Variants in CCDC6 observed in about 807,000 individuals in gnomAD.
CCDC6 encodes the protein coiled-coil domain-containing protein 6.
A neutral mutation model predicts 56.6 loss-of-function variants in CCDC6; 20 were observed. The ratio of observed to expected loss-of-function variants is 0.35; its 90% CI spans 0.25 to 0.51. CCDC6 has a LOEUF of 0.51. Ranked by LOEUF, CCDC6 falls within the 20% of genes least tolerant of loss-of-function variation. The pLI is 0.95. For synonymous variants in CCDC6, 241 were observed against 234.4 expected (o/e 1.03, Z -0.26); for missense variants, 367 against 601.1 (o/e 0.61, Z 4.07).
At chr10:59,872,333 T>A (rs142462041) in intron 1 of CCDC6, among the ~76,000 whole-genome samples, 2 of 152,314 alleles carry the variant, frequency 1.3e-5, no homozygotes, top group Non-Finnish European at 2.9e-5. Context: ...TCCCCAACCT[T>A]GGGTATCAGT....
chr10:59,868,130 C>T (rs1183961916), intron 1 of CCDC6, among the ~76,000 whole-genome samples: 1 of 152,022 alleles, frequency 6.6e-6, no homozygotes, highest in African/African-American at 2.4e-5. Context: ...TTAACCTTGG[C>T]AAAATAAACT....
At chr10:59,901,357 C>T (rs935382289) in intron 1 of CCDC6, among the ~76,000 whole-genome samples, 1 of 152,112 alleles carries the variant, frequency 6.6e-6, no homozygotes, top group Non-Finnish European at 1.5e-5. Context: ...CAGAGTCTGA[C>T]AAAAGTCTTA....
chr10:59,851,495 AAATGAGACT>A (rs1249643922), intron 2 of CCDC6, among the ~76,000 whole-genome samples: 7 of 152,206 alleles, frequency 4.6e-5, no homozygotes, highest in Non-Finnish European at 8.8e-5. Flanking sequence ...TTAGGTAGAA[AAATGAGACT>A]AATAGAAAGA....
intron 5 of CCDC6, among the ~76,000 whole-genome samples, chr10:59,811,072 T>C (rs923963572): frequency 6.6e-6 from 1 of 152,018 alleles, no homozygotes; most frequent in Non-Finnish European, 1.5e-5. Flanking sequence ...CCCAACAACC[T>C]CCAGAAGGAT....
At position 59,852,635 on chromosome 10, in the gene CCDC6, T is replaced by C; in HGVS notation, c.371A>G (p.Gln124Arg). The change falls in exon 2 of 9, where the codon CAG becomes CGG. Residue 124 changes from glutamine to arginine, a missense_variant. Physicochemically the swap from Gln to Arg is conservative, Grantham distance 43. Coordinates refer to ENST00000263102, the MANE Select transcript of CCDC6 (RefSeq NM_005436.5). ...TACAGCAAGGGTTTCTTTCTCCTTC[T>C]GCAAAGCCTGAATTTTCTTGAATAA... is the stretch of plus-strand genomic sequence containing the variant. ...NTLFKKIQAL[Q>R]KEKETLAVNY... 1 of 1,607,200 alleles carries C rather than the reference T, an allele frequency of 6.2e-7. No individual in the cohort carries two copies. The highest frequency in any genetic ancestry group is 8.5e-7 in the Non-Finnish European group (1 of 1,176,870).
chr10:59,830,611 T>G (rs1589043224), intron 3 of CCDC6, among the ~76,000 whole-genome samples: 1 of 152,362 alleles, frequency 6.6e-6, no homozygotes, highest in Admixed American at 6.5e-5. Context: ...GGAAATCTAT[T>G]TCTTTACCAT....
At chr10:59,817,867 T>C (rs2070720199) in intron 3 of CCDC6, among the ~76,000 whole-genome samples, 1 of 152,136 alleles carries the variant, frequency 6.6e-6, no homozygotes, top group Non-Finnish European at 1.5e-5. Context: ...CCCTGCCCAA[T>C]GTCAAGACAG....
At chr10:59,868,153 T>A (rs1424012782) in intron 1 of CCDC6, among the ~76,000 whole-genome samples, 1 of 152,144 alleles carries the variant, frequency 6.6e-6, no homozygotes, top group East Asian at 1.9e-4. Context: ...CTAAATTGAT[T>A]GAGACCTGCT....
At chr10:59,826,414 T>G (rs1260804322) in intron 3 of CCDC6, among the ~76,000 whole-genome samples, 1 of 152,210 alleles carries the variant, frequency 6.6e-6, no homozygotes, top group Non-Finnish European at 1.5e-5. Context: ...AGTGGGTCTT[T>G]TCTCCTGCAT....
chr10:59,839,466 G>A lies in CCDC6; in HGVS notation c.454-6813C>T, dbSNP rs564096615. Among the ~76,000 whole-genome samples the A allele has an allele frequency of 9.2e-5, 14 of 152,238 alleles. 2 individuals are homozygous for A. The highest frequency in any genetic ancestry group is 2.9e-4 in the African/African-American group (12 of 41,552). On this transcript the variant is annotated intron_variant, in intron 2 of 8. Transcript: ENST00000263102. ...TAAGCCTGAGGATAAGCAAAACAAC[G>A]GTTGGGGGTGGGGTGGATTAATCAA...
intron 3 of CCDC6, among the ~76,000 whole-genome samples, chr10:59,822,846 T>C (rs1222090715): frequency 7.2e-5 from 11 of 151,984 alleles, no homozygotes; most frequent in South Asian, 4.2e-4. Context: ...TCCACTCGAA[T>C]GTTGCCTTTT....
chr10:59,903,949 A>G (rs1275470967), intron 1 of CCDC6, among the ~76,000 whole-genome samples: 1 of 152,214 alleles, frequency 6.6e-6, no homozygotes, highest in African/African-American at 2.4e-5. Context: ...CAAAACCTGC[A>G]AAATCTTGAA....
In CCDC6 at chr10:59,812,812, A is replaced by G. The variant is rs369677538; in HGVS notation, c.687-17T>C. On this transcript the variant is annotated splice_polypyrimidine_tract_variant and intron_variant, in intron 4 of 8. Coordinates refer to ENST00000263102, the MANE Select transcript of CCDC6 (RefSeq NM_005436.5). ...TGCAGGATTCTTCATTGAAAAGAAA[A>G]ATTCCAACAATGACTAACAGTTTTC... 4 of 1,570,382 alleles carry G rather than the reference A, an allele frequency of 2.5e-6. No homozygotes were observed. The highest frequency in any genetic ancestry group is 2.6e-6 in the Non-Finnish European group (3 of 1,152,198).
rs537359390 is a variant in CCDC6, at chr10:59,810,923, A to G, written c.847+1712T>C. 3.0e-4 allele frequency among the ~76,000 whole-genome samples: 45 copies of G among 152,298 alleles called. No homozygotes were observed. In the South Asian group the frequency reaches 5.6e-3, roughly 19 times the overall value. On this transcript the variant is annotated intron_variant, in intron 5 of 8. Transcript: ENST00000263102. Reference sequence around the variant, plus strand: ...AACATAATCACAAGGATCCTAATAAAGGGAGGCAGGGGAATCAGAGTGAAA... The same window carrying G: ...AACATAATCACAAGGATCCTAATAAGGGGAGGCAGGGGAATCAGAGTGAAA...
chr10:59,798,293 CAAG>C (rs2070541921), intron 7 of CCDC6, among the ~76,000 whole-genome samples: 1 of 152,202 alleles, frequency 6.6e-6, no homozygotes, highest in Admixed American at 6.5e-5. Flanking sequence ...TACGTAAAAA[CAAG>C]AAGCTGTTAA....
At chr10:59,877,647 C>G (rs1400497102) in intron 1 of CCDC6, among the ~76,000 whole-genome samples, 1 of 152,152 alleles carries the variant, frequency 6.6e-6, no homozygotes, top group East Asian at 1.9e-4. Context: ...TCTAAATTAT[C>G]CCTCTCTTCT....
intron 1 of CCDC6, among the ~76,000 whole-genome samples, chr10:59,869,737 T>C (rs1052881481): frequency 1.3e-5 from 2 of 152,118 alleles, no homozygotes; most frequent in South Asian, 4.1e-4. Context: ...TTTGTTACCC[T>C]GCTCAAACCC....
At chr10:59,846,991 T>C (rs2070997405) in intron 2 of CCDC6, among the ~76,000 whole-genome samples, 2 of 152,244 alleles carry the variant, frequency 1.3e-5, no homozygotes, top group South Asian at 2.1e-4. Flanking sequence ...GTGTCTGAGA[T>C]AATTGATAAG....
At chr10:59,833,650 G>T (rs886156532) in intron 2 of CCDC6, among the ~76,000 whole-genome samples, 1 of 138,824 alleles carries the variant, frequency 7.2e-6, no homozygotes, top group African/African-American at 2.5e-5. Flanking sequence ...TGGGGGGGGG[G>T]GGGGTTTGTT....
Sources: gnomAD v4.1 joint callset for allele counts (sites outside exome capture counted in the v4.1 genomes callset) on GRCh38, gnomAD v4.1.1 for gene constraint, MANE v1.5 for transcripts, NCBI Gene and HGNC (gene_info 2026-07-23, HGNC 2026-07-21) for gene names.